DYRK1A: variants seen among roughly 807,000 people sequenced by gnomAD.
The protein encoded by DYRK1A is dual specificity tyrosine phosphorylation regulated kinase 1A.
DYRK1A carries 9 observed loss-of-function variants against 79.7 expected under a neutral mutation model. The observed-to-expected ratio is 0.11, with a 90% CI of 0.07 to 0.20. DYRK1A has a LOEUF of 0.20. Ranked by LOEUF, DYRK1A falls within the 10% of genes least tolerant of loss-of-function variation. DYRK1A has a pLI of 1.00. For synonymous variants in DYRK1A, 349 were observed against 329.7 expected, an observed-to-expected ratio of 1.06 and a Z score of -0.63; for missense variants, 622 against 956.0, an observed-to-expected ratio of 0.65 and a Z score of 4.61.
chr21:37,493,585 G>A (rs140887800), intron 8 of DYRK1A, among the ~76,000 whole-genome samples: 6 of 152,298 alleles, frequency 3.9e-5, no homozygotes, highest in East Asian at 1.9e-4. Context: ...TAGAGTAAAC[G>A]AGATTATAGA....
At chr21:37,489,857 GA>G (rs1206638025) in intron 6 of DYRK1A, among the ~76,000 whole-genome samples, 1 of 152,142 alleles carries the variant, frequency 6.6e-6, no homozygotes, top group Non-Finnish European at 1.5e-5. Flanking sequence ...TAAAATTGCT[GA>G]AATATTCTCA....
At chr21:37,383,967 A>T (rs1411842130) in intron 1 of DYRK1A, among the ~76,000 whole-genome samples, 1 of 152,166 alleles carries the variant, frequency 6.6e-6, no homozygotes, top group Non-Finnish European at 1.5e-5. Flanking sequence ...AGAAAACTGG[A>T]CAAAACACAG....
At chr21:37,409,476 A>G (rs2050204883) in intron 1 of DYRK1A, among the ~76,000 whole-genome samples, 1 of 152,284 alleles carries the variant, frequency 6.6e-6, no homozygotes, top group Non-Finnish European at 1.5e-5. Flanking sequence ...TTTTAAAAAC[A>G]AATATATTTG....
upstream of DYRK1A, chr21:37,366,031 G>A (rs2049294956): frequency 6.6e-6 from 1 of 152,106 alleles, no homozygotes; most frequent in African/African-American, 2.4e-5. Context: ...GATGTCTGGG[G>A]CGCGGCGGTG....
chr21:37,389,157 C>T (rs969133256), intron 1 of DYRK1A, among the ~76,000 whole-genome samples: 4 of 150,996 alleles, frequency 2.6e-5, no homozygotes, highest in Non-Finnish European at 5.9e-5. Context: ...AGATTACAGG[C>T]ATGAGCCACC....
intron 8 of DYRK1A, 71 bp from the exon 9 acceptor site, chr21:37,496,047 G>T: frequency 2.7e-6 from 4 of 1,468,664 alleles, no homozygotes; most frequent in Non-Finnish European, 3.7e-6. Flanking sequence ...ATTTATGAAT[G>T]AATGACTTGA....
intron 2 of DYRK1A, among the ~76,000 whole-genome samples, chr21:37,449,300 A>G (rs2051369385): frequency 6.6e-6 from 1 of 152,234 alleles, no homozygotes; most frequent in Admixed American, 6.5e-5. Context: ...GGTTTAAATC[A>G]GTAGAATTTC....
At chr21:37,396,213 C>CTT (rs75384433) in intron 1 of DYRK1A, among the ~76,000 whole-genome samples, 14 of 144,390 alleles carry the variant, frequency 9.7e-5, no homozygotes, top group Admixed American at 7.6e-4. Context: ...GAAAACGCCT[C>CTT]TTTTTTTTTT....
chr21:37,511,778 C>T, intron 11 of DYRK1A, 133 bp from the exon 12 acceptor site: 2 of 1,069,434 alleles, frequency 1.9e-6, no homozygotes, highest in Non-Finnish European at 1.3e-6. Context: ...ACTGTCTTAA[C>T]ACATTAAAAG....
At chr21:37,445,386 TAAGC>T (rs2051234830) in intron 2 of DYRK1A, among the ~76,000 whole-genome samples, 1 of 152,154 alleles carries the variant, frequency 6.6e-6, no homozygotes, top group African/African-American at 2.4e-5. Flanking sequence ...TTTCGGAAAA[TAAGC>T]AACAAGTATT....
At chr21:37,479,622 T>TG (rs2052557215) in intron 4 of DYRK1A, among the ~76,000 whole-genome samples, 1 of 105,728 alleles carries the variant, frequency 9.5e-6, no homozygotes, top group Non-Finnish European at 1.8e-5. Flanking sequence ...GTTTTTTGTT[T>TG]TTTTTTTTTT....
chr21:37,445,241 A>T (rs2051229187), intron 2 of DYRK1A, among the ~76,000 whole-genome samples: 1 of 152,250 alleles, frequency 6.6e-6, no homozygotes. Flanking sequence ...GCAAGAGTAA[A>T]CACGAATATA....
Position 37,520,748 on chromosome 21 carries a change from C to T in DYRK1A, c.*8217C>T, listed in dbSNP as rs1294085238. 1 of 152,248 alleles carries T rather than the reference C, an allele frequency of 6.6e-6. No individual in the cohort carries two copies. The highest frequency in any genetic ancestry group is 1.9e-4 in the East Asian group (1 of 5,190). 9.4% of individuals were successfully genotyped at this position (152,248 alleles called of 1,614,324 possible). Reference sequence around the variant, plus strand: ...GCTTCCCAGCAGCTCCAGGTCTTGTCCCTGGCCAGTCTGGGCAGCTCTGCG... The same window carrying T: ...GCTTCCCAGCAGCTCCAGGTCTTGTTCCTGGCCAGTCTGGGCAGCTCTGCG... On this transcript the variant is annotated 3_prime_UTR_variant, in exon 12 of 12. Transcript: ENST00000647188.
chr21:37,370,039 T>G (rs1320521646), intron 1 of DYRK1A, among the ~76,000 whole-genome samples: 1 of 152,214 alleles, frequency 6.6e-6, no homozygotes, highest in East Asian at 1.9e-4. Context: ...GTCTGATGTT[T>G]GCTCCTTCGT....
rs1421206421 is a variant in DYRK1A at position 37,367,160 on chromosome 21, G to C, written c.-545G>C. The C allele has an allele frequency of 2.6e-5, 4 of 152,144 alleles. No homozygotes were observed. Among genetic ancestry groups the C allele is most frequent in the Non-Finnish European group, 5.9e-5 (4 of 68,062 alleles). The allele number at this position is 152,144 out of a possible 1,614,324, so 9.4% of individuals were successfully genotyped here. A position where few individuals can be genotyped will look rare whatever the true frequency, so the allele number is the denominator to read the frequency against. ...GTGCGAGTGTCTGTCTGTCTGTGCG[G>C]GGACTCGGGGGCGGGCGGTTCGGGC... On this transcript the variant is annotated 5_prime_UTR_variant, in exon 1 of 12. Transcript: ENST00000647188.
intron 2 of DYRK1A, among the ~76,000 whole-genome samples, chr21:37,458,740 A>G (rs1031810329): frequency 2.0e-5 from 3 of 152,232 alleles, no homozygotes; most frequent in African/African-American, 7.2e-5. Context: ...GTAAATGAAT[A>G]TGCTAACTTT....
intron 2 of DYRK1A, among the ~76,000 whole-genome samples, chr21:37,443,533 C>T (rs564623940): frequency 3.9e-5 from 6 of 152,214 alleles, no homozygotes; most frequent in Non-Finnish European, 5.9e-5. Context: ...CTGGAACAGT[C>T]GGGTTACTTA....
chr21:37,489,064 T>C (rs2052981245), intron 6 of DYRK1A, among the ~76,000 whole-genome samples: 1 of 152,178 alleles, frequency 6.6e-6, no homozygotes. Flanking sequence ...ATGAAAGATC[T>C]AAAAGCAATA....
intron 2 of DYRK1A, chr21:37,464,381 T>G (rs1234530716): frequency 2.4e-6 from 1 of 414,384 alleles, no homozygotes; most frequent in Non-Finnish European, 4.7e-6. Flanking sequence ...TAGTAAAATA[T>G]TGAATTTTTC....
Sources: allele counts gnomAD v4.1 joint callset (sites outside exome capture counted in the v4.1 genomes callset), GRCh38; gene constraint gnomAD v4.1.1; transcripts MANE v1.5; gene names NCBI Gene and HGNC (gene_info 2026-07-23, HGNC 2026-07-21).